The following EYS variants were observed in gnomAD, a reference collection of about 807,000 sequenced individuals.
EYS encodes protein eyes shut homolog.
A neutral mutation model predicts 282.1 loss-of-function variants in EYS; 250 were observed. The ratio of observed to expected loss-of-function variants is 0.89; its 90% CI spans 0.80 to 0.98. The LOEUF is 0.98. Among genes scored for constraint, EYS ranks in the 50% least tolerant of loss-of-function variants. The probability of loss-of-function intolerance (pLI) is 0.00; values close to 1 mark genes in which losing one functional copy is unlikely to be tolerated. For synonymous variants in EYS, 1,355 were observed against 1,282.9 expected (o/e 1.06, Z -1.20); for missense variants, 4,016 against 3,709.0 (o/e 1.08, Z -2.15).
chr6:64,908,416 G>A (rs566912939), intron 16 of EYS, among the ~76,000 whole-genome samples: 19 of 152,248 alleles, frequency 1.2e-4, no homozygotes, highest in African/African-American at 4.3e-4. Flanking sequence ...TGTGTTAGCA[G>A]CTCAGTTGGT....
At chr6:64,761,216 AG>A (rs1562176881) in intron 22 of EYS, among the ~76,000 whole-genome samples, 1 of 152,188 alleles carries the variant, frequency 6.6e-6, no homozygotes, top group East Asian at 1.9e-4. Flanking sequence ...AGGGATTAAA[AG>A]ACACTTACCT....
chr6:65,293,864 T>G (rs752224975), intron 12 of EYS, among the ~76,000 whole-genome samples: 1 of 151,908 alleles, frequency 6.6e-6, no homozygotes, highest in African/African-American at 2.4e-5. Context: ...TCCAAAAATG[T>G]GATGGGGATC....
chr6:64,402,628 C>T (rs1000225416), intron 28 of EYS, among the ~76,000 whole-genome samples: 2 of 152,164 alleles, frequency 1.3e-5, no homozygotes, highest in African/African-American at 2.4e-5. Context: ...TAACTGTTTG[C>T]ATTCATTGAG....
At chr6:65,020,282 A>C (rs769443285) in intron 13 of EYS, among the ~76,000 whole-genome samples, 7 of 152,210 alleles carry the variant, frequency 4.6e-5, no homozygotes, top group Non-Finnish European at 1.0e-4. Flanking sequence ...TGTAAAATCA[A>C]AAGCAAGTTA....
chr6:65,586,391 T>A (rs975870892), intron 2 of EYS, among the ~76,000 whole-genome samples: 2 of 152,072 alleles, frequency 1.3e-5, no homozygotes, highest in Non-Finnish European at 2.9e-5. Flanking sequence ...AATAATTTTA[T>A]AACCAAAAGG....
chr6:64,193,835 C>A (rs1765193854), intron 31 of EYS, among the ~76,000 whole-genome samples: 2 of 152,040 alleles, frequency 1.3e-5, no homozygotes, highest in Admixed American at 6.6e-5. Flanking sequence ...TGAACTCATC[C>A]TTTTTTATGG....
intron 40 of EYS, among the ~76,000 whole-genome samples, chr6:63,772,143 G>A (rs765494848): frequency 2.0e-5 from 3 of 151,442 alleles, no homozygotes; most frequent in Non-Finnish European, 2.9e-5. Flanking sequence ...ATATAGCTGG[G>A]AAATTTTTTA....
rs73765737 is a variant in EYS, at chr6:65,049,661, C to T, written c.2137+7953G>A. Among the ~76,000 whole-genome samples the T allele has an allele frequency of 1.0e-3, 157 of 151,816 alleles. 2 individuals are homozygous for T. The highest frequency in any genetic ancestry group is 3.5e-3 in the African/African-American group (147 of 41,504). On this transcript the variant is annotated intron_variant, in intron 13 of 42. Coordinates refer to ENST00000503581, the MANE Select transcript of EYS (RefSeq NM_001142800.2). Reference sequence around the variant, plus strand: ...TTACTTTCCAATTTTTCAAAGCTTTCAGACCATTATGAATTCAATGCAAAC... The same window carrying T: ...TTACTTTCCAATTTTTCAAAGCTTTTAGACCATTATGAATTCAATGCAAAC...
chr6:65,517,952 G>GA lies in EYS; in HGVS notation c.-332-21960dup, dbSNP rs376129258. Among the ~76,000 whole-genome samples the GA allele has an allele frequency of 3.3e-3, 497 of 151,906 alleles. 3 individuals are homozygous for GA. Among genetic ancestry groups the GA allele is most frequent in the African/African-American group, 0.011 (473 of 41,458 alleles). ...ACTCAACAATCTTGATGTTTAGATA[G>GA]AAAAAATAAACAAAAAGCTAAGGAT... On this transcript the variant is annotated intron_variant, in intron 2 of 42. Coordinates refer to ENST00000503581, the MANE Select transcript of EYS (RefSeq NM_001142800.2).
chr6:65,251,428 G>A (rs904379564), intron 12 of EYS, among the ~76,000 whole-genome samples: 1 of 149,842 alleles, frequency 6.7e-6, no homozygotes, highest in African/African-American at 2.5e-5. Flanking sequence ...TATTTTTGAA[G>A]ATGTTATAAG....
intron 35 of EYS, among the ~76,000 whole-genome samples, chr6:63,911,757 A>T (rs1764255987): frequency 6.6e-6 from 1 of 152,218 alleles, no homozygotes; most frequent in Non-Finnish European, 1.5e-5. Flanking sequence ...AATTATACTA[A>T]TTGGAGATAC....
At chr6:65,086,903 A>T (rs1467338691) in intron 12 of EYS, among the ~76,000 whole-genome samples, 1 of 150,928 alleles carries the variant, frequency 6.6e-6, no homozygotes, top group East Asian at 2.0e-4. Context: ...GGCTCACTGC[A>T]CCTCCACCTC....
chr6:64,298,555 A>AT (rs1445288115), intron 30 of EYS, among the ~76,000 whole-genome samples: 1 of 152,170 alleles, frequency 6.6e-6, no homozygotes, highest in Admixed American at 6.5e-5. Flanking sequence ...ATTAGAAAAA[A>AT]TTTTAAATAC....
At chr6:64,811,021 T>A (rs999577966) in intron 22 of EYS, among the ~76,000 whole-genome samples, 10 of 152,118 alleles carry the variant, frequency 6.6e-5, no homozygotes, top group Admixed American at 4.6e-4. Flanking sequence ...AATAATAATT[T>A]TATTATGATT....
chr6:63,871,616 C>G (rs2149712861), intron 35 of EYS, among the ~76,000 whole-genome samples: 1 of 152,186 alleles, frequency 6.6e-6, no homozygotes, highest in East Asian at 1.9e-4. Context: ...GAGCCGAGAT[C>G]ATGCCACTGC....
chr6:64,190,700 A>G (rs1765076811), intron 31 of EYS, among the ~76,000 whole-genome samples: 1 of 151,996 alleles, frequency 6.6e-6, no homozygotes, highest in African/African-American at 2.4e-5. Context: ...TCCCACTGCA[A>G]TTTTCTCTCT....
chr6:64,149,981 T>G (rs748207272), intron 31 of EYS, among the ~76,000 whole-genome samples: 5 of 152,330 alleles, frequency 3.3e-5, no homozygotes, highest in East Asian at 3.9e-4. Flanking sequence ...AAATGCCATA[T>G]GAATGGGAAC....
intron 16 of EYS, among the ~76,000 whole-genome samples, chr6:64,907,008 G>A (rs978332440): frequency 3.9e-5 from 6 of 151,964 alleles, no homozygotes; most frequent in Non-Finnish European, 4.4e-5. Context: ...ATTTGAAGTC[G>A]TCTTTACCTT....
At chr6:65,434,188 G>A (rs113996232) in intron 5 of EYS, among the ~76,000 whole-genome samples, 85 of 152,310 alleles carry the variant, frequency 5.6e-4, no homozygotes, top group Non-Finnish European at 9.6e-4. Flanking sequence ...TGTGGACCTT[G>A]TTGAAGACGT....
Sources: gnomAD v4.1 joint callset for allele counts (sites outside exome capture counted in the v4.1 genomes callset) on GRCh38, gnomAD v4.1.1 for gene constraint, MANE v1.5 for transcripts, NCBI Gene and HGNC (gene_info 2026-07-23, HGNC 2026-07-21) for gene names.